Variants in HS3ST1 observed in about 807,000 individuals in gnomAD.
HS3ST1 encodes the protein heparan sulfate glucosamine 3-O-sulfotransferase 1.
Under a neutral mutation model 20.7 loss-of-function variants are expected in HS3ST1, and 8 were observed. That is an observed-to-expected ratio of 0.39 (90% CI 0.23 to 0.70). The LOEUF (loss-of-function observed/expected upper bound fraction) is 0.70, where lower values mean the gene tolerates loss of function less well. Ranked by LOEUF, HS3ST1 falls within the 30% of genes least tolerant of loss-of-function variation. The pLI, the probability that HS3ST1 is intolerant of heterozygous loss-of-function variation, is 0.46. For synonymous variants in HS3ST1, 205 were observed against 190.4 expected (o/e 1.08, Z -0.63); for missense variants, 436 against 423.4 (o/e 1.03, Z -0.26).
intron 1 of HS3ST1, among the ~76,000 whole-genome samples, chr4:11,423,103 C>T (rs1197459972): frequency 6.7e-6 from 1 of 149,254 alleles, no homozygotes; most frequent in Non-Finnish European, 1.5e-5. Context: ...GGCATCCTTA[C>T]CACAGTCCTC....
chr4:11,413,530 A>G (rs756440679), intron 1 of HS3ST1, among the ~76,000 whole-genome samples: 1 of 152,192 alleles, frequency 6.6e-6, no homozygotes, highest in Non-Finnish European at 1.5e-5. Context: ...GAGAGTATCC[A>G]CAATTCAGAG....
chr4:11,410,421 TC>T (rs1276631283), intron 1 of HS3ST1, among the ~76,000 whole-genome samples: 1 of 151,958 alleles, frequency 6.6e-6, no homozygotes, highest in Non-Finnish European at 1.5e-5. Flanking sequence ...CAGAAGGAAG[TC>T]CCACGGAAGC....
chr4:11,401,596 G>A (rs971860096), intron 1 of HS3ST1, among the ~76,000 whole-genome samples: 5 of 151,984 alleles, frequency 3.3e-5, no homozygotes, highest in Admixed American at 6.6e-5. Context: ...TGCCTGCCTC[G>A]GCCTCCCAAA....
At chr4:11,408,159 A>G (rs2108883457) in intron 1 of HS3ST1, among the ~76,000 whole-genome samples, 1 of 152,282 alleles carries the variant, frequency 6.6e-6, no homozygotes, top group Admixed American at 6.5e-5. Flanking sequence ...CCAGTCTCAA[A>G]TCTTAGCTCT....
chr4:11,416,860 A>G (rs1313589300), intron 1 of HS3ST1, among the ~76,000 whole-genome samples: 1 of 152,238 alleles, frequency 6.6e-6, no homozygotes, highest in African/African-American at 2.4e-5. Flanking sequence ...TTTACTATGG[A>G]GAGGGAGCAG....
chr4:11,433,733 A>C (rs1056835403), upstream of HS3ST1, among the ~76,000 whole-genome samples: 2 of 152,202 alleles, frequency 1.3e-5, no homozygotes, highest in African/African-American at 4.8e-5. Flanking sequence ...AATATGTATT[A>C]GGTACCTCCC....
intron 1 of HS3ST1, among the ~76,000 whole-genome samples, chr4:11,409,345 C>G (rs770025075): frequency 6.6e-6 from 1 of 152,062 alleles, no homozygotes; most frequent in Non-Finnish European, 1.5e-5. Context: ...TTTTGTCCTC[C>G]CCAAATTCAT....
intron 1 of HS3ST1, among the ~76,000 whole-genome samples, chr4:11,417,977 T>G (rs957953718): frequency 2.0e-5 from 3 of 152,230 alleles, no homozygotes; most frequent in African/African-American, 4.8e-5. Context: ...GTGCCTCAGT[T>G]TCCTATTCTG....
At chr4:11,417,281 A>G (rs879413136) in intron 1 of HS3ST1, among the ~76,000 whole-genome samples, 1 of 152,170 alleles carries the variant, frequency 6.6e-6, no homozygotes, top group Non-Finnish European at 1.5e-5. Flanking sequence ...ATTCTATGAA[A>G]TGGAGGGCGT....
chr4:11,431,164 A>G (rs1257819116), upstream of HS3ST1, among the ~76,000 whole-genome samples: 1 of 151,748 alleles, frequency 6.6e-6, no homozygotes, highest in Non-Finnish European at 1.5e-5. Flanking sequence ...TTTAATGATG[A>G]ATCCTCCATG....
intron 1 of HS3ST1, among the ~76,000 whole-genome samples, chr4:11,418,849 G>T (rs184218967): frequency 6.6e-6 from 1 of 152,244 alleles, no homozygotes; most frequent in East Asian, 1.9e-4. Context: ...AAACAGACTG[G>T]GGAGAAAGCA....
chr4:11,404,786 G>A (rs9990914), intron 1 of HS3ST1, among the ~76,000 whole-genome samples: 29,153 of 152,220 alleles, frequency 0.19, 2,880 homozygotes, highest in South Asian at 0.28. Flanking sequence ...CCACATCCTT[G>A]GCAAAAGCAA....
At chr4:11,434,300 T>A (rs1341645173), upstream of HS3ST1, among the ~76,000 whole-genome samples, 2 of 152,180 alleles carry the variant, frequency 1.3e-5, no homozygotes, top group Non-Finnish European at 2.9e-5. Context: ...TTAACAAAAA[T>A]TAATTTAATT....
intron 1 of HS3ST1, among the ~76,000 whole-genome samples, chr4:11,416,746 C>T (rs890841610): frequency 6.6e-6 from 1 of 152,196 alleles, no homozygotes; most frequent in Non-Finnish European, 1.5e-5. Flanking sequence ...CATCAGTTCC[C>T]CTTGCTTTTG....
intron 1 of HS3ST1, among the ~76,000 whole-genome samples, chr4:11,402,564 T>C (rs955882564): frequency 1.3e-5 from 2 of 152,196 alleles, no homozygotes; most frequent in South Asian, 2.1e-4. Context: ...AGTGTGTCTG[T>C]ATGTGTATGC....
upstream of HS3ST1, chr4:11,429,320 G>A (rs988371885): frequency 2.8e-4 from 43 of 152,536 alleles, no homozygotes; most frequent in African/African-American, 8.9e-4. Context: ...CTGAGCCCGA[G>A]TCTACCTCTT....
intron 1 of HS3ST1, among the ~76,000 whole-genome samples, chr4:11,402,913 A>G (rs536606499): frequency 6.6e-6 from 1 of 152,344 alleles, no homozygotes; most frequent in African/African-American, 2.4e-5. Context: ...TTTATGAAAG[A>G]AAATAACAAC....
chr4:11,433,477 G>A (rs182574914), upstream of HS3ST1, among the ~76,000 whole-genome samples: 14 of 152,306 alleles, frequency 9.2e-5, no homozygotes, highest in Middle Eastern at 3.4e-3. Context: ...TTGCAGTATT[G>A]CAGGCTTGAA....
rs1718253175 is a variant in HS3ST1, at chr4:11,399,528, C to T, written c.478G>A (p.Val160Met). 1 of 1,613,954 alleles carries T rather than the reference C, an allele frequency of 6.2e-7. No individual in the cohort carries two copies. The highest frequency in any genetic ancestry group is 1.7e-5 in the Admixed American group (1 of 60,030). Residue 160 changes from valine (V) to methionine (M), a missense_variant, in exon 2 of 2, where the codon GTG becomes ATG. Val to Met is a conservative substitution (Grantham distance 21, BLOSUM62 1). Coordinates refer to ENST00000002596, the MANE Select transcript of HS3ST1 (RefSeq NM_005114.4). This position sits in a 1 kb window ranked among gnomAD's most constrained non-coding sequence, Gnocchi z 5.1. ...TGCTTCTGCATGTGGTTGTAGAACA[C>T]TTGGGTGTAGTCAGATAGCACGCGC... ...SERVLSDYTQ[V>M]FYNHMQKHKP...
Sources: gnomAD v4.1 joint callset for allele counts (sites outside exome capture counted in the v4.1 genomes callset) on GRCh38, gnomAD v4.1.1 for gene constraint, Gnocchi (gnomAD v3.1) non-coding constraint, MANE v1.5 for transcripts, NCBI Gene and HGNC (gene_info 2026-07-23, HGNC 2026-07-21) for gene names.